Variants in XPO7 observed in about 807,000 individuals in gnomAD.
XPO7 encodes exportin-7.
Under a neutral mutation model 144.3 loss-of-function variants are expected in XPO7, and 21 were observed. The ratio of observed to expected loss-of-function variants is 0.15; its 90% CI spans 0.10 to 0.21. XPO7 has a LOEUF of 0.21. Ranked by LOEUF, XPO7 falls within the 10% of genes least tolerant of loss-of-function variation. The pLI, the probability that XPO7 is intolerant of heterozygous loss-of-function variation, is 1.00. For missense variants in XPO7, 808 were observed against 1,325.8 expected, an observed-to-expected ratio of 0.61 and a Z score of 6.06; for synonymous variants, 580 against 499.6, an observed-to-expected ratio of 1.16 and a Z score of -2.15.
At chr8:21,962,165 A>G (rs1008606198) in intron 1 of XPO7, among the ~76,000 whole-genome samples, 10 of 152,214 alleles carry the variant, frequency 6.6e-5, no homozygotes, top group African/African-American at 2.2e-4. Flanking sequence ...ATTTATAAAC[A>G]TTCAAAGAGC....
intron 1 of XPO7, among the ~76,000 whole-genome samples, chr8:21,946,305 A>T (rs1564305): frequency 1.3e-5 from 2 of 152,048 alleles, no homozygotes; most frequent in East Asian, 3.9e-4. Context: ...AGGAAAAATA[A>T]GCAACCAAAA....
intron 1 of XPO7, among the ~76,000 whole-genome samples, chr8:21,949,130 CTGTTG>C (rs1811287479): frequency 6.6e-6 from 1 of 152,222 alleles, no homozygotes; most frequent in African/African-American, 2.4e-5. Flanking sequence ...TTCTGTTTTA[CTGTTG>C]TATCACATTT....
chr8:21,989,197 T>TC, intron 16 of XPO7, 114 bp downstream of exon 16: 1 of 967,246 alleles, frequency 1.0e-6, no homozygotes. Context: ...TACTCACATA[T>TC]CTTCCATTTT....
intron 1 of XPO7, among the ~76,000 whole-genome samples, chr8:21,934,744 G>C (rs1256913363): frequency 6.6e-6 from 1 of 152,154 alleles, no homozygotes; most frequent in East Asian, 1.9e-4. Context: ...AGATTAGCAA[G>C]AACTAGAATA....
chr8:21,990,219 A>ATTTAAAAATACTCAAG, intron 16 of XPO7, 125 bp from the exon 17 acceptor site: 1 of 888,264 alleles, frequency 1.1e-6, no homozygotes, highest in South Asian at 1.6e-5. Flanking sequence ...TGGCAGTGGT[A>ATTTAAAAATACTCAAG]TACTCAAGTA....
At chr8:21,930,136 T>G (rs1451843945) in intron 1 of XPO7, among the ~76,000 whole-genome samples, 1 of 152,236 alleles carries the variant, frequency 6.6e-6, no homozygotes, top group African/African-American at 2.4e-5. Context: ...CAAACATGGT[T>G]TTTGTCACAT....
rs767966124 is a variant in XPO7 at position 21,999,108 on chromosome 8, C to G, written c.2446C>G (p.Leu816Val). The change falls in exon 23 of 28, where the codon CTA becomes GTA. Residue 816 changes from leucine to valine, a missense_variant. Around this residue, in one of 5 missense-constraint regions of XPO7, gnomAD observed 416 missense variants for 612.5 expected, o/e 0.68. Transcript: ENST00000252512. ...CTACTCAGGCAATCGCATCCTGACA[C>G]TAGGAGAGGTCCCAAAGGATCAGGT... ...ITMYGNRILT[L>V]GEVPKDQVYA... 9.3e-6 allele frequency: 15 copies of G among 1,613,990 alleles called. No individual in the cohort carries two copies. Among genetic ancestry groups the G allele is most frequent in the Non-Finnish European group, 1.3e-5 (15 of 1,179,890 alleles).
Position 21,984,908 on chromosome 8 carries a change from G to A in XPO7, c.1471+69G>A. ...GTTGTCTAGTACCCCTTCGCTCATT[G>A]CCACCTCTTTCCTACCTCCCTGCAA... On this transcript the variant is annotated intron_variant, in intron 12 of 27. Coordinates refer to ENST00000252512, the MANE Select transcript of XPO7 (RefSeq NM_015024.5). The A allele has an allele frequency of 3.3e-6, 5 of 1,517,902 alleles. No individual in the cohort carries two copies. In the South Asian group the frequency reaches 6.1e-5, roughly 19 times the overall value. 94.0% of individuals were successfully genotyped at this position (1,517,902 alleles called of 1,614,324 possible). A position where few individuals can be genotyped will look rare whatever the true frequency, so the allele number is the denominator to read the frequency against.
At chr8:21,974,820 A>T (rs1812176109) in intron 6 of XPO7, 46 bp downstream of exon 6, 1 of 1,409,536 alleles carries the variant, frequency 7.1e-7, no homozygotes, top group Non-Finnish European at 9.8e-7. Flanking sequence ...TTTTGAAAGA[A>T]TGAGAATGGA....
In XPO7 at chr8:21,963,522, C is replaced by T. The variant is rs1563323526; in HGVS notation, c.19-3335C>T. On this transcript the variant is annotated intron_variant, in intron 1 of 27. Coordinates refer to ENST00000252512, the MANE Select transcript of XPO7 (RefSeq NM_015024.5). ...CAGCCTGGCCAATATGGTGAAACCC[C>T]GTCTCTACTAAAAATATAAAAAATT... 3.9e-5 allele frequency among the ~76,000 whole-genome samples: 6 copies of T among 152,100 alleles called. No homozygotes were observed. The South Asian group carries it at 1.0e-3, about 26-fold the overall frequency.
Position 21,999,237 on chromosome 8 carries a change from G to A in XPO7, c.2575G>A (p.Asp859Asn), listed in dbSNP as rs1813056181. Reference sequence around the variant, plus strand: ...CGGAGTCTTTCGTCTCTATGGAGACGATGCCCTGGACAATGCTCTGCAGAC... The same window carrying A: ...CGGAGTCTTTCGTCTCTATGGAGACAATGCCCTGGACAATGCTCTGCAGAC... ...NFGVFRLYGD[D>N]ALDNALQTFI... Residue 859 changes from aspartate (D) to asparagine (N), a missense_variant, in exon 23 of 28, where the codon GAT becomes AAT. This residue lies in a region of XPO7 where 416 missense variants were observed against 612.5 expected (regional missense o/e 0.68). Coordinates refer to ENST00000252512, the MANE Select transcript of XPO7 (RefSeq NM_015024.5). The A allele has an allele frequency of 1.9e-6, 3 of 1,613,818 alleles. No individual in the cohort carries two copies. The highest frequency in any genetic ancestry group is 1.7e-6 in the Non-Finnish European group (2 of 1,179,882).
intron 21 of XPO7, 36 bp from the exon 22 acceptor site, chr8:21,998,719 C>T: frequency 1.3e-6 from 2 of 1,595,996 alleles, no homozygotes; most frequent in Non-Finnish European, 1.7e-6. Context: ...CAAGAAAACA[C>T]CTCTGACTTT....
chr8:21,969,041 C>T (rs1811970280), intron 2 of XPO7, among the ~76,000 whole-genome samples: 1 of 152,146 alleles, frequency 6.6e-6, no homozygotes. Context: ...GTGATGGTTT[C>T]CTCTAATACT....
intron 18 of XPO7, 142 bp downstream of exon 18, chr8:21,991,061 C>T (rs1318535692): frequency 2.7e-6 from 2 of 741,128 alleles, no homozygotes; most frequent in Non-Finnish European, 4.6e-6. Flanking sequence ...AGCCTGATTT[C>T]ACCAAGAACA....
chr8:21,996,677 T>A (rs12056476), intron 21 of XPO7, among the ~76,000 whole-genome samples: 86,543 of 152,046 alleles, frequency 0.57, 25,364 homozygotes, highest in African/African-American at 0.71. Context: ...TTCAAAACAA[T>A]TTAAGGACAG....
chr8:21,996,795 A>T (rs1463570666), intron 21 of XPO7, among the ~76,000 whole-genome samples: 1 of 151,666 alleles, frequency 6.6e-6, no homozygotes, highest in Non-Finnish European at 1.5e-5. Flanking sequence ...CTTTATTTTT[A>T]TTTTATTTAT....
chr8:21,990,763 CCT>C (rs766942737), intron 17 of XPO7, 46 bp from the exon 18 acceptor site: 4 of 1,568,410 alleles, frequency 2.6e-6, no homozygotes, highest in Non-Finnish European at 3.5e-6. Flanking sequence ...TTGCATTCTG[CCT>C]CTAACTCATG....
chr8:21,937,912 C>T (rs1012265263), intron 1 of XPO7, among the ~76,000 whole-genome samples: 2 of 152,136 alleles, frequency 1.3e-5, no homozygotes, highest in African/African-American at 2.4e-5. Context: ...TAAACTCCCA[C>T]TTTCATTAAA....
intron 7 of XPO7, among the ~76,000 whole-genome samples, chr8:21,977,221 G>C (rs904055115): frequency 1.3e-5 from 2 of 152,194 alleles, no homozygotes; most frequent in African/African-American, 2.4e-5. Context: ...GAGGTGTTCA[G>C]GTTAAGTTCT....
Sources: gnomAD v4.1 joint callset for allele counts (sites outside exome capture counted in the v4.1 genomes callset) on GRCh38, gnomAD v4.1.1 for gene constraint, gnomAD v4.1.1 regional missense constraint, MANE v1.5 for transcripts, NCBI Gene and HGNC (gene_info 2026-07-23, HGNC 2026-07-21) for gene names.